ZNF469: variants seen among roughly 807,000 people sequenced by gnomAD.
The protein encoded by ZNF469 is zinc finger protein 469.
ZNF469 carries 1 observed loss-of-function variant against 1.0 expected under a neutral mutation model. The ratio of observed to expected loss-of-function variants is 1.00; its 90% CI spans 0.35 to 4.73. ZNF469 has a LOEUF of 4.73. Among genes scored for constraint, ZNF469 ranks in the 30% most tolerant of loss-of-function variants. The pLI is 0.16. For synonymous variants in ZNF469, 2,703 were observed against 2,363.4 expected (o/e 1.14, Z -4.17); for missense variants, 6,100 against 5,356.3 (o/e 1.14, Z -4.33).
intron 1 of ZNF469, among the ~76,000 whole-genome samples, chr16:88,413,627 A>T (rs1365621453): frequency 6.6e-6 from 1 of 152,204 alleles, no homozygotes; most frequent in Non-Finnish European, 1.5e-5. Context: ...GGGCAGCGTT[A>T]TAGCAAGGTT....
At chr16:88,412,604 T>A (rs1381758511) in intron 1 of ZNF469, among the ~76,000 whole-genome samples, 1 of 152,162 alleles carries the variant, frequency 6.6e-6, no homozygotes, top group Non-Finnish European at 1.5e-5. Context: ...GACTGGGCCC[T>A]GGGATAGCAG....
chr16:88,438,547 C>T lies in ZNF469; in HGVS notation c.11077C>T (p.Leu3693Phe), dbSNP rs1567517563. The change falls in exon 3 of 3, where the codon CTC (leucine) becomes TTC (phenylalanine). Residue 3693 changes from leucine to phenylalanine, a missense_variant. Coordinates refer to ENST00000565624, the MANE Select transcript of ZNF469 (RefSeq NM_001367624.2). Reference sequence around the variant, plus strand: ...GGCAGCATCCACCCCCAGCAAAGCACTCAAGTTCCCAGTGCACCCAAGGAA... The same window carrying T: ...GGCAGCATCCACCCCCAGCAAAGCATTCAAGTTCCCAGTGCACCCAAGGAA... ...RSAASTPSKA[L>F]KFPVHPRKAV... 6.5e-7 allele frequency: 1 copy of T among 1,550,182 alleles called. No individual in the cohort carries two copies. Among genetic ancestry groups the T allele is most frequent in the Non-Finnish European group, 8.7e-7 (1 of 1,146,966 alleles).
At chr16:88,378,184 G>C (rs2092513875), upstream of ZNF469, among the ~76,000 whole-genome samples, 1 of 152,126 alleles carries the variant, frequency 6.6e-6, no homozygotes, top group Non-Finnish European at 1.5e-5. Context: ...TCATCTCCCA[G>C]ATGAGCAAGT....
chr16:88,155,068 G>A, the ZNF469 span, among the ~76,000 whole-genome samples: 10 of 152,160 alleles, frequency 6.6e-5, no homozygotes, highest in Non-Finnish European at 1.3e-4. Context: ...CAGCAGACCC[G>A]GGCACCACAA....
the ZNF469 span, among the ~76,000 whole-genome samples, chr16:88,344,545 G>T: frequency 3.9e-5 from 6 of 152,250 alleles, no homozygotes; most frequent in African/African-American, 1.4e-4. Context: ...GCTTCTGGCA[G>T]GGATGGGGTC....
chr16:88,159,032 ATG>A, the ZNF469 span, among the ~76,000 whole-genome samples: 4 of 152,046 alleles, frequency 2.6e-5, no homozygotes, highest in African/African-American at 9.7e-5. Flanking sequence ...CTACGAGGTG[ATG>A]TCTTATCAGT....
chr16:88,350,384 C>G, the ZNF469 span, among the ~76,000 whole-genome samples: 2 of 152,372 alleles, frequency 1.3e-5, no homozygotes, highest in Middle Eastern at 3.4e-3. Context: ...GGGCACCTCC[C>G]GGCGCACCCA....
chr16:88,389,875 C>G (rs1344588412), intron 1 of ZNF469, among the ~76,000 whole-genome samples: 2 of 152,180 alleles, frequency 1.3e-5, no homozygotes, highest in African/African-American at 4.8e-5. Flanking sequence ...ACAGCCCTCG[C>G]CTCCTGAACA....
chr16:88,123,771 C>T, the ZNF469 span, among the ~76,000 whole-genome samples: 38 of 152,174 alleles, frequency 2.5e-4, no homozygotes, highest in African/African-American at 9.2e-4. Context: ...TACCTCTTTG[C>T]AATCTGTGAT....
the ZNF469 span, among the ~76,000 whole-genome samples, chr16:88,143,238 CCT>C: frequency 6.6e-6 from 1 of 152,258 alleles, no homozygotes; most frequent in Non-Finnish European, 1.5e-5. Context: ...TCAGTTTCCC[CCT>C]GTGTCAATGG....
rs1899666147 is a variant in ZNF469, at chr16:88,429,784, G to T, written c.2314G>T (p.Gly772Trp). The change falls in exon 3 of 3, where the codon GGG becomes TGG. Residue 772 changes from glycine (G) to tryptophan (W), a missense_variant. Coordinates refer to ENST00000565624, the MANE Select transcript of ZNF469 (RefSeq NM_001367624.2). ...CCACCAGCGGTCTCCAGGCCCCCCT[G>T]GGCTCCCCTCGCCCCCCGCTGCCCC... ...DGHQRSPGPP[G>W]LPSPPAAPRV... 2.6e-6 allele frequency: 4 copies of T among 1,544,494 alleles called. No individual in the cohort carries two copies. The African/African-American group carries it at 5.5e-5, about 21-fold the overall frequency.
chr16:88,408,923 G>A (rs890402746), intron 1 of ZNF469, among the ~76,000 whole-genome samples: 7 of 151,684 alleles, frequency 4.6e-5, no homozygotes, highest in Non-Finnish European at 1.0e-4. Flanking sequence ...ATAGGGAAGC[G>A]GGGAGGGAGG....
chr16:88,201,984 C>T, the ZNF469 span, among the ~76,000 whole-genome samples: 2 of 152,138 alleles, frequency 1.3e-5, no homozygotes, highest in South Asian at 4.1e-4. The surrounding 1 kb of genome is among the most constrained non-coding windows in gnomAD (Gnocchi z 5.0). Context: ...TCCTGTTCCT[C>T]CTCCCTTTTT....
the ZNF469 span, among the ~76,000 whole-genome samples, chr16:88,101,358 A>ATCTT: frequency 6.6e-6 from 1 of 152,206 alleles, no homozygotes; most frequent in Non-Finnish European, 1.5e-5. Context: ...GTCCGCCTGC[A>ATCTT]TCTTTGATCT....
chr16:88,427,823 A>G lies in ZNF469; in HGVS notation c.353A>G (p.Gln118Arg). ...GGCAGGGCAGAGGGCAGCCCCCCAC[A>G]GCGCTACATTCTGGGCATCGCCAGC... ...LAGRAEGSPP[Q>R]RYILGIASSR... The change falls in exon 3 of 3, where the codon CAG (glutamine) becomes CGG (arginine). Residue 118 changes from glutamine (Q) to arginine (R), a missense_variant. By Grantham distance (43) the Gln-to-Arg change is conservative. Transcript: ENST00000565624. 2 of 1,548,562 alleles carry G rather than the reference A, an allele frequency of 1.3e-6. No homozygotes were observed. The highest frequency in any genetic ancestry group is 4.9e-5 in the East Asian group (2 of 40,886).
the ZNF469 span, among the ~76,000 whole-genome samples, chr16:88,218,293 GT>G: frequency 6.7e-6 from 1 of 149,568 alleles, no homozygotes; most frequent in African/African-American, 2.5e-5. Flanking sequence ...GGGGTTGTTT[GT>G]TTTTTTCTTG....
chr16:88,338,648 G>A, the ZNF469 span, among the ~76,000 whole-genome samples: 1 of 152,198 alleles, frequency 6.6e-6, no homozygotes, highest in Non-Finnish European at 1.5e-5. Flanking sequence ...TGTGAACATG[G>A]CCTGCTTTAC....
chr16:88,280,830 G>C, the ZNF469 span, among the ~76,000 whole-genome samples: 3 of 151,740 alleles, frequency 2.0e-5, no homozygotes, highest in Non-Finnish European at 4.4e-5. Flanking sequence ...CCTGATGCTT[G>C]GTCAGTACTG....
chr16:88,352,804 C>G, the ZNF469 span, among the ~76,000 whole-genome samples: 2 of 152,190 alleles, frequency 1.3e-5, no homozygotes, highest in Non-Finnish European at 1.5e-5. Flanking sequence ...CATATGGCTG[C>G]CCCGGCCTCA....
Sources: allele counts gnomAD v4.1 joint callset (sites outside exome capture counted in the v4.1 genomes callset), GRCh38; gene constraint gnomAD v4.1.1; non-coding constraint Gnocchi (gnomAD v3.1); transcripts MANE v1.5; gene names NCBI Gene and HGNC (gene_info 2026-07-23, HGNC 2026-07-21).